Variants in BAZ2B observed in about 807,000 individuals in gnomAD.
BAZ2B encodes bromodomain adjacent to zinc finger domain 2B.
BAZ2B carries 91 observed loss-of-function variants against 246.0 expected under a neutral mutation model. The ratio of observed to expected loss-of-function variants is 0.37; its 90% confidence interval spans 0.31 to 0.44. The LOEUF is 0.44. Among genes scored for constraint, BAZ2B ranks in the 20% least tolerant of loss-of-function variants. BAZ2B has a pLI of 1.00. For missense variants in BAZ2B, 2,332 were observed against 2,533.7 expected (o/e 0.92, Z 1.71); for synonymous variants, 855 against 860.0 (o/e 0.99, Z 0.10).
At chr2:159,689,035 T>C in the BAZ2B span, among the ~76,000 whole-genome samples, 1 of 152,206 alleles carries the variant, frequency 6.6e-6, no homozygotes, top group Admixed American at 6.5e-5. Context: ...TTTGAGTATG[T>C]AAAAACATCC....
intron 2 of BAZ2B, among the ~76,000 whole-genome samples, chr2:159,482,561 T>C (rs1351767793): frequency 2.0e-5 from 3 of 152,140 alleles, no homozygotes; most frequent in Non-Finnish European, 4.4e-5. Flanking sequence ...AAGTGAATAT[T>C]TAAGAGTTAT....
rs774456199 is a variant in BAZ2B at position 159,395,782 on chromosome 2, C to T, written c.3062G>A (p.Arg1021His). The T allele has an allele frequency of 4.3e-6, 7 of 1,609,788 alleles. No homozygotes were observed. The highest frequency in any genetic ancestry group is 2.2e-5 in the East Asian group (1 of 44,682). The change falls in exon 20 of 37, where the codon CGT becomes CAT. Residue 1021 changes from arginine to histidine, a missense_variant. Coordinates refer to ENST00000392783, the MANE Select transcript of BAZ2B (RefSeq NM_013450.4). ...HMMLMKAMEA[R>H]KKAEEKERLK... ...ACATACACTTACTTCTGCTTTTTTA[C>T]GAGCTTCCATAGCTTTCATAAGCAT...
At chr2:159,424,114 C>T (rs1029191956) in intron 13 of BAZ2B, among the ~76,000 whole-genome samples, 3 of 152,128 alleles carry the variant, frequency 2.0e-5, no homozygotes, top group African/African-American at 7.2e-5. Flanking sequence ...GCCACAATAA[C>T]ATTACTTTTT....
At chr2:159,389,130 CAAA>C (rs1263820351) in intron 21 of BAZ2B, among the ~76,000 whole-genome samples, 16 of 146,070 alleles carry the variant, frequency 1.1e-4, no homozygotes, top group South Asian at 4.2e-4. Flanking sequence ...ACCAACCAAA[CAAA>C]CAAACAAAAA....
upstream of BAZ2B, among the ~76,000 whole-genome samples, chr2:159,617,491 C>T (rs1366950769): frequency 6.6e-6 from 1 of 151,148 alleles, no homozygotes; most frequent in Non-Finnish European, 1.5e-5. Context: ...TTTAGAAGTT[C>T]GTTGAGGTAC....
At chr2:159,478,457 G>T in intron 3 of BAZ2B, 118 bp downstream of exon 3, 1 of 1,117,102 alleles carries the variant, frequency 9.0e-7, no homozygotes, top group Non-Finnish European at 1.2e-6. Flanking sequence ...GTTTAACCTA[G>T]CCTTTATTCA....
At position 159,320,338 on chromosome 2, in the gene BAZ2B, T is replaced by A; in HGVS notation, c.6434A>T (p.Asp2145Val). Residue 2145 changes from aspartate (D) to valine (V), a missense_variant, in exon 37 of 37, where the codon GAT becomes GTT. By Grantham distance (152) the Asp-to-Val change is radical. This residue lies in a region of BAZ2B where 210 missense variants were observed against 232.5 expected (regional missense o/e 0.90). Coordinates refer to ENST00000392783, the MANE Select transcript of BAZ2B (RefSeq NM_013450.4). ...CATATTGTGGCCAGCTCTGCCTATA[T>A]CAGAATCATCTTCATTAAATGTTTC... The part of the protein sequence containing the change: ...NCETFNEDDS[D>V]IGRAGHNMRK... 1 of 1,584,530 alleles carries A rather than the reference T, an allele frequency of 6.3e-7. No individual in the cohort carries two copies. The highest frequency in any genetic ancestry group is 1.4e-5 in the African/African-American group (1 of 72,778).
At chr2:159,666,190 T>G in the BAZ2B span, among the ~76,000 whole-genome samples, 1 of 152,058 alleles carries the variant, frequency 6.6e-6, no homozygotes, top group African/African-American at 2.4e-5. Flanking sequence ...AAGTGTGTTT[T>G]CAAAGAGCAA....
the BAZ2B span, among the ~76,000 whole-genome samples, chr2:159,642,238 C>CTTTTTT: frequency 1.1e-4 from 15 of 131,720 alleles, no homozygotes; most frequent in South Asian, 2.4e-4. Context: ...TTCTTTCTTT[C>CTTTTTT]TTTTTTTTTT....
At chr2:159,442,459 G>C (rs963030234) in intron 6 of BAZ2B, among the ~76,000 whole-genome samples, 1 of 152,184 alleles carries the variant, frequency 6.6e-6, no homozygotes, top group African/African-American at 2.4e-5. Flanking sequence ...AACACTAGTG[G>C]AGGGAGTGAT....
the BAZ2B span, among the ~76,000 whole-genome samples, chr2:159,680,823 C>T: frequency 6.6e-6 from 1 of 152,112 alleles, no homozygotes; most frequent in African/African-American, 2.4e-5. Context: ...ACCTATTGCC[C>T]GGGATCCAGT....
chr2:159,526,121 A>C (rs2084704157), intron 2 of BAZ2B, among the ~76,000 whole-genome samples: 1 of 152,094 alleles, frequency 6.6e-6, no homozygotes, highest in African/African-American at 2.4e-5. Context: ...TTTACTTCCT[A>C]GCTGGTTAAA....
chr2:159,321,947 C>T (rs1247963740), intron 36 of BAZ2B: 1 of 152,120 alleles, frequency 6.6e-6, no homozygotes, highest in Non-Finnish European at 1.5e-5. Flanking sequence ...GTGATGAATA[C>T]CCAATTTTCC....
chr2:159,608,700 A>G (rs532371690), intron 1 of BAZ2B, among the ~76,000 whole-genome samples: 2 of 152,232 alleles, frequency 1.3e-5, no homozygotes, highest in Non-Finnish European at 2.9e-5. Flanking sequence ...AAAGTTAACT[A>G]ATTATAGTTA....
intron 1 of BAZ2B, among the ~76,000 whole-genome samples, chr2:159,572,397 G>T (rs1037550032): frequency 4.6e-5 from 7 of 152,178 alleles, no homozygotes; most frequent in South Asian, 2.1e-4. Context: ...AGTATTATGG[G>T]ACTGAGACCT....
At chr2:159,471,615 T>C (rs1380499609) in intron 3 of BAZ2B, among the ~76,000 whole-genome samples, 10 of 152,136 alleles carry the variant, frequency 6.6e-5, no homozygotes. Context: ...AGAAGGTGTT[T>C]TGTATATACT....
chr2:159,448,185 T>C (rs936914981), intron 5 of BAZ2B, 57 bp downstream of exon 5: 1 of 1,560,042 alleles, frequency 6.4e-7, no homozygotes, highest in Non-Finnish European at 8.6e-7. Flanking sequence ...CTGAACATTA[T>C]GAAAATAATA....
intron 2 of BAZ2B, among the ~76,000 whole-genome samples, chr2:159,532,375 T>C (rs2085466533): frequency 6.6e-6 from 1 of 152,194 alleles, no homozygotes; most frequent in Admixed American, 6.6e-5. Context: ...AGTCTTACAC[T>C]TTTATCTGAA....
chr2:159,595,209 T>C (rs925904107), intron 1 of BAZ2B, among the ~76,000 whole-genome samples: 3 of 152,100 alleles, frequency 2.0e-5, no homozygotes, highest in African/African-American at 4.8e-5. Context: ...TTCAAGCGAT[T>C]CTCCTGCCTC....
Sources: gnomAD v4.1 joint callset for allele counts (sites outside exome capture counted in the v4.1 genomes callset) on GRCh38, gnomAD v4.1.1 for gene constraint, gnomAD v4.1.1 regional missense constraint, MANE v1.5 for transcripts, NCBI Gene and HGNC (gene_info 2026-07-23, HGNC 2026-07-21) for gene names.